XKR9: variants seen among roughly 807,000 people sequenced by gnomAD.
XKR9 encodes XK related 9.
In XKR9, 32 loss-of-function variants were observed where a neutral mutation model predicts 32.0. That is an observed-to-expected ratio of 1.00 (90% confidence interval 0.76 to 1.34). XKR9 has a LOEUF of 1.34. Ranked by LOEUF, XKR9 falls within the 40% of genes most tolerant of loss-of-function variation. XKR9 has a pLI of 0.00. For synonymous variants in XKR9, 168 were observed against 143.4 expected (o/e 1.17, Z -1.22); for missense variants, 546 against 429.7 (o/e 1.27, Z -2.39).
intron 2 of XKR9, among the ~76,000 whole-genome samples, chr8:70,753,866 T>A (rs1467838292): frequency 2.0e-5 from 3 of 148,570 alleles, no homozygotes; most frequent in Admixed American, 6.9e-5. Flanking sequence ...AAGACAGGGA[T>A]GCCCTCTCTC....
At chr8:70,947,648 A>G in the XKR9 span, among the ~76,000 whole-genome samples, 1 of 152,234 alleles carries the variant, frequency 6.6e-6, no homozygotes, top group Non-Finnish European at 1.5e-5. Flanking sequence ...AGTTTGTTAC[A>G]TCCAAATACT....
the XKR9 span, among the ~76,000 whole-genome samples, chr8:70,867,300 A>T: frequency 1.3e-5 from 2 of 152,170 alleles, no homozygotes; most frequent in Non-Finnish European, 2.9e-5. Flanking sequence ...ACCTCCCACC[A>T]GGTCCCTCCC....
chr8:70,737,083 A>G (rs934540915), downstream of XKR9, among the ~76,000 whole-genome samples: 5 of 151,430 alleles, frequency 3.3e-5, no homozygotes, highest in African/African-American at 1.2e-4. Flanking sequence ...CATGATATTG[A>G]TTCTTCCTAT....
intron 3 of XKR9, among the ~76,000 whole-genome samples, chr8:70,695,730 C>T (rs1359458800): frequency 6.6e-6 from 1 of 151,058 alleles, no homozygotes; most frequent in Non-Finnish European, 1.5e-5. Flanking sequence ...ATTTCTAGTT[C>T]TAGATCCCTG....
the XKR9 span, among the ~76,000 whole-genome samples, chr8:71,032,811 G>C: frequency 1.1e-4 from 16 of 152,232 alleles, no homozygotes; most frequent in African/African-American, 3.6e-4. Context: ...TTGGCTGGGT[G>C]CAGTGGCTCA....
At chr8:70,837,238 G>T in the XKR9 span, among the ~76,000 whole-genome samples, 1 of 152,178 alleles carries the variant, frequency 6.6e-6, no homozygotes, top group Non-Finnish European at 1.5e-5. Flanking sequence ...ACCTATGTAT[G>T]TAATATCAGT....
At chr8:70,686,949 C>T (rs909952376) in intron 3 of XKR9, among the ~76,000 whole-genome samples, 4 of 151,834 alleles carry the variant, frequency 2.6e-5, no homozygotes, top group Non-Finnish European at 5.9e-5. Context: ...TTTATTTTTT[C>T]TTTGTGTTAG....
intron 2 of XKR9, among the ~76,000 whole-genome samples, chr8:70,752,489 C>T (rs535380530): frequency 6.6e-6 from 1 of 152,182 alleles, no homozygotes; most frequent in Non-Finnish European, 1.5e-5. Flanking sequence ...GGCAGCCTCA[C>T]TTTACAGTCC....
At chr8:70,683,089 G>A (rs955185679) in intron 3 of XKR9, among the ~76,000 whole-genome samples, 6 of 152,168 alleles carry the variant, frequency 3.9e-5, no homozygotes, top group Non-Finnish European at 8.8e-5. Context: ...ATATTTCCAA[G>A]CAACAAACAT....
chr8:70,773,661 C>T (rs776307007), intron 2 of XKR9, among the ~76,000 whole-genome samples: 1 of 152,100 alleles, frequency 6.6e-6, no homozygotes, highest in Non-Finnish European at 1.5e-5. Flanking sequence ...CTTCCATTTG[C>T]CAGTTAAAAG....
the XKR9 span, among the ~76,000 whole-genome samples, chr8:70,798,505 C>A: frequency 6.6e-6 from 1 of 152,002 alleles, no homozygotes; most frequent in Non-Finnish European, 1.5e-5. Context: ...GTAGGTTGTC[C>A]GTTTACTGTG....
At chr8:70,950,552 A>G in the XKR9 span, among the ~76,000 whole-genome samples, 1 of 152,184 alleles carries the variant, frequency 6.6e-6, no homozygotes, top group Admixed American at 6.5e-5. Flanking sequence ...ACAGGACCAG[A>G]TCACACAGGG....
the XKR9 span, among the ~76,000 whole-genome samples, chr8:70,866,324 G>A: frequency 6.6e-6 from 1 of 152,192 alleles, no homozygotes; most frequent in Non-Finnish European, 1.5e-5. Context: ...AATGCTTAGT[G>A]ACTCCCTGTT....
chr8:70,747,386 A>G (rs1459201266), intron 2 of XKR9, among the ~76,000 whole-genome samples: 1 of 152,258 alleles, frequency 6.6e-6, no homozygotes, highest in African/African-American at 2.4e-5. Flanking sequence ...AAATGAATTT[A>G]TCCATTCATA....
chr8:70,801,938 C>CTTT, the XKR9 span, among the ~76,000 whole-genome samples: 1 of 142,508 alleles, frequency 7.0e-6, no homozygotes. Context: ...CTTTTTCTTT[C>CTTT]TTTTTTTTTT....
chr8:70,814,569 C>G, the XKR9 span, among the ~76,000 whole-genome samples: 2 of 150,794 alleles, frequency 1.3e-5, no homozygotes, highest in Non-Finnish European at 3.0e-5. Flanking sequence ...GATAAAAACC[C>G]TCAACAAACT....
At chr8:70,789,785 G>C (rs1364709860) in intron 3 of XKR9, among the ~76,000 whole-genome samples, 1 of 151,900 alleles carries the variant, frequency 6.6e-6, no homozygotes, top group African/African-American at 2.4e-5. Flanking sequence ...GTAGGTTCAG[G>C]TTTAAGTAAT....
chr8:71,042,180 A>G, the XKR9 span, among the ~76,000 whole-genome samples: 380 of 152,222 alleles, frequency 2.5e-3, 1 homozygote, highest in Non-Finnish European at 4.0e-3. Flanking sequence ...CCCTACAACA[A>G]TCAAGCTGTG....
At chr8:70,699,477 A>G (rs1805429800) in intron 3 of XKR9, among the ~76,000 whole-genome samples, 1 of 152,242 alleles carries the variant, frequency 6.6e-6, no homozygotes, top group South Asian at 2.1e-4. Flanking sequence ...TCTGGGTTGA[A>G]AATTCTTTTC....
Sources: allele counts gnomAD v4.1 joint callset (sites outside exome capture counted in the v4.1 genomes callset), GRCh38; gene constraint gnomAD v4.1.1; transcripts MANE v1.5; gene names NCBI Gene and HGNC (gene_info 2026-07-23, HGNC 2026-07-21).